GPC5: variants seen among roughly 807,000 people sequenced by gnomAD.
GPC5 encodes glypican 5.
GPC5 carries 47 observed loss-of-function variants against 53.9 expected under a neutral mutation model. That is an observed-to-expected ratio of 0.87 (90% confidence interval 0.69 to 1.11). The LOEUF (loss-of-function observed/expected upper bound fraction) is 1.11, where lower values mean the gene tolerates loss of function less well. Among genes scored for constraint, GPC5 ranks in the 50% most tolerant of loss-of-function variants. The pLI, the probability that GPC5 is intolerant of heterozygous loss-of-function variation, is 0.00. For missense variants in GPC5, 748 were observed against 713.1 expected (o/e 1.05, Z -0.56); for synonymous variants, 286 against 263.3 (o/e 1.09, Z -0.84).
intron 5 of GPC5, among the ~76,000 whole-genome samples, chr13:91,762,615 C>T (rs1238464092): frequency 1.3e-5 from 2 of 150,530 alleles, no homozygotes; most frequent in Non-Finnish European, 1.5e-5. Flanking sequence ...GCAAATTCTA[C>T]CTATCCAATC....
intron 6 of GPC5, among the ~76,000 whole-genome samples, chr13:91,958,318 A>T (rs1434894599): frequency 6.6e-6 from 1 of 152,040 alleles, no homozygotes; most frequent in Non-Finnish European, 1.5e-5. Flanking sequence ...AAAGGGATCA[A>T]CTCAGCAAGA....
At chr13:92,056,113 C>G (rs543843244) in intron 6 of GPC5, among the ~76,000 whole-genome samples, 1 of 152,024 alleles carries the variant, frequency 6.6e-6, no homozygotes, top group Non-Finnish European at 1.5e-5. Context: ...TATAGTTCTG[C>G]GGGTCAGAAG....
chr13:92,790,959 G>GT (rs1170027661), intron 7 of GPC5, among the ~76,000 whole-genome samples: 1 of 152,052 alleles, frequency 6.6e-6, no homozygotes, highest in African/African-American at 2.4e-5. Flanking sequence ...TCAATGGAAT[G>GT]TTTTCAAAAC....
intron 7 of GPC5, among the ~76,000 whole-genome samples, chr13:92,254,566 T>C (rs1012860829): frequency 6.6e-6 from 1 of 152,124 alleles, no homozygotes; most frequent in Non-Finnish European, 1.5e-5. Flanking sequence ...TAAAAAACCA[T>C]GTGTATTAGT....
At chr13:91,599,856 C>T (rs529187703) in intron 2 of GPC5, among the ~76,000 whole-genome samples, 64 of 152,230 alleles carry the variant, frequency 4.2e-4, no homozygotes, top group Non-Finnish European at 7.8e-4. Flanking sequence ...AAAATATTTG[C>T]GGGCTTATCT....
chr13:92,501,223 T>G (rs1880171713), intron 7 of GPC5, among the ~76,000 whole-genome samples: 1 of 151,248 alleles, frequency 6.6e-6, no homozygotes, highest in East Asian at 1.9e-4. Flanking sequence ...CAAATAAAGG[T>G]AAAAATGTAT....
chr13:92,572,431 G>C (rs1237743764), intron 7 of GPC5, among the ~76,000 whole-genome samples: 2 of 152,094 alleles, frequency 1.3e-5, no homozygotes, highest in Admixed American at 1.3e-4. Flanking sequence ...ATTCTTTGTT[G>C]TGTTCTTTGT....
chr13:92,708,857 C>CTGTTTTTTTT (rs1888035617), intron 7 of GPC5, among the ~76,000 whole-genome samples: 1 of 48,140 alleles, frequency 2.1e-5, no homozygotes, highest in Admixed American at 3.1e-4. Context: ...TGGAAACCGC[C>CTGTTTTTTTT]TTTTTTTTTT....
At chr13:91,817,677 A>G (rs1380296367) in intron 5 of GPC5, among the ~76,000 whole-genome samples, 3 of 152,312 alleles carry the variant, frequency 2.0e-5, no homozygotes, top group Admixed American at 2.0e-4. Context: ...AGAAAAGTTG[A>G]AAAAGGGTCA....
intron 7 of GPC5, among the ~76,000 whole-genome samples, chr13:92,274,813 C>T (rs748463671): frequency 7.2e-5 from 11 of 152,122 alleles, no homozygotes; most frequent in Non-Finnish European, 1.6e-4. Context: ...GCAGTATAAT[C>T]ATGCATTCTG....
At chr13:92,090,298 G>C (rs2041369731) in intron 6 of GPC5, among the ~76,000 whole-genome samples, 1 of 152,082 alleles carries the variant, frequency 6.6e-6, no homozygotes, top group Non-Finnish European at 1.5e-5. Context: ...GAATGATGGT[G>C]ACCCCCAAAA....
chr13:91,689,831 T>C (rs2035717742), intron 2 of GPC5, among the ~76,000 whole-genome samples: 1 of 151,998 alleles, frequency 6.6e-6, no homozygotes, highest in South Asian at 2.1e-4. Flanking sequence ...CTCACTTAGG[T>C]GGCTTTATGG....
intron 7 of GPC5, among the ~76,000 whole-genome samples, chr13:92,246,317 A>C (rs1429419605): frequency 6.6e-6 from 1 of 152,190 alleles, no homozygotes; most frequent in Non-Finnish European, 1.5e-5. Context: ...GGATATATTC[A>C]GTGAATAAAT....
At chr13:92,286,213 G>A (rs2042953409) in intron 7 of GPC5, among the ~76,000 whole-genome samples, 7 of 152,204 alleles carry the variant, frequency 4.6e-5, no homozygotes, top group Admixed American at 3.9e-4. Flanking sequence ...TTAGAATGGT[G>A]ATCATTAAAA....
At chr13:92,582,029 C>T (rs774589765) in intron 7 of GPC5, among the ~76,000 whole-genome samples, 10 of 152,030 alleles carry the variant, frequency 6.6e-5, no homozygotes, top group African/African-American at 1.7e-4. Flanking sequence ...ACTGTTTCCT[C>T]GGCTATGCAG....
chr13:91,841,911 G>A (rs1365079020), intron 5 of GPC5, among the ~76,000 whole-genome samples: 1 of 152,164 alleles, frequency 6.6e-6, no homozygotes, highest in African/African-American at 2.4e-5. Flanking sequence ...ACTGGACTTA[G>A]TAGTGATTCA....
At chr13:92,787,521 T>TTAAAG (rs1442326004) in intron 7 of GPC5, among the ~76,000 whole-genome samples, 8 of 151,566 alleles carry the variant, frequency 5.3e-5, no homozygotes, top group Admixed American at 2.6e-4. Context: ...AAACTTATAA[T>TTAAAG]TAAAGTAAAG....
At chr13:91,965,135 TGAG>T (rs2040168682) in intron 6 of GPC5, among the ~76,000 whole-genome samples, 1 of 150,444 alleles carries the variant, frequency 6.6e-6, no homozygotes, top group Non-Finnish European at 1.5e-5. Context: ...CTAATGTAAA[TGAG>T]GAGTTAATGG....
At chr13:91,881,107 T>A (rs568373536) in intron 5 of GPC5, among the ~76,000 whole-genome samples, 9 of 152,146 alleles carry the variant, frequency 5.9e-5, no homozygotes, top group Non-Finnish European at 8.8e-5. Context: ...AACTTTTTTT[T>A]AATAGGTTGT....
Sources: allele counts gnomAD v4.1 joint callset (sites outside exome capture counted in the v4.1 genomes callset), GRCh38; gene constraint gnomAD v4.1.1; transcripts MANE v1.5; gene names NCBI Gene and HGNC (gene_info 2026-07-23, HGNC 2026-07-21).